MZT2B: variants seen among roughly 807,000 people sequenced by gnomAD.
The protein encoded by MZT2B is mitotic-spindle organizing protein 2B.
Under a neutral mutation model 12.1 loss-of-function variants are expected in MZT2B, and 11 were observed. The ratio of observed to expected loss-of-function variants is 0.91; its 90% confidence interval spans 0.57 to 1.50. MZT2B has a LOEUF of 1.50. Ranked by LOEUF, MZT2B falls within the 40% of genes most tolerant of loss-of-function variation. The pLI is 0.00. For synonymous variants in MZT2B, 85 were observed against 109.5 expected, an observed-to-expected ratio of 0.78 and a Z score of 1.40; for missense variants, 209 against 227.7, an observed-to-expected ratio of 0.92 and a Z score of 0.53.
intron 2 of MZT2B, chr2:130,183,080 C>T (rs536473879): frequency 1.7e-5 from 9 of 521,962 alleles, no homozygotes; most frequent in South Asian, 7.2e-5. Flanking sequence ...GGAATCAAGA[C>T]AGTTTGGGGC....
intron 2 of MZT2B, chr2:130,183,168 C>G (rs540092735): frequency 5.4e-5 from 18 of 335,538 alleles, no homozygotes; most frequent in African/African-American, 1.5e-4. Flanking sequence ...TTTTAGACCA[C>G]TCTGGGTGAC....
chr2:130,181,786 C>G (rs1032254021), upstream of MZT2B: 2 of 1,547,014 alleles, frequency 1.3e-6, no homozygotes, highest in South Asian at 1.2e-5. Flanking sequence ...TGGCGGCCTC[C>G]GGCGCCCCAA....
rs773776345 is a variant in MZT2B, at chr2:130,190,519, C to G, written c.370C>G (p.Arg124Gly). The change falls in exon 3 of 3, where the codon CGC (arginine) becomes GGC (glycine). Residue 124 changes from arginine to glycine, a missense_variant. Coordinates refer to ENST00000281871, the MANE Select transcript of MZT2B (RefSeq NM_025029.5). ...ALGGALALAERSSREGSSQRM... is the reference protein window; with the variant it reads ...ALGGALALAEGSSREGSSQRM... ...CGGGGGAGCATTGGCCCTGGCGGAA[C>G]GCAGCAGCCGCGAAGGATCCAGCCA... is the stretch of plus-strand genomic sequence containing the variant. 6.2e-7 allele frequency: 1 copy of G among 1,613,752 alleles called. No homozygotes were observed. Among genetic ancestry groups the G allele is most frequent in the Non-Finnish European group, 8.5e-7 (1 of 1,179,994 alleles).
At chr2:130,183,408 C>G in intron 2 of MZT2B, 1 of 375,728 alleles carries the variant, frequency 2.7e-6, no homozygotes, top group Non-Finnish European at 5.1e-6. Flanking sequence ...CAGAGGCCTG[C>G]GGGGTCTGAA....
chr2:130,192,183 G>A (rs1690280865), downstream of MZT2B: 1 of 1,549,044 alleles, frequency 6.5e-7, no homozygotes, highest in African/African-American at 1.4e-5. Context: ...CCTAGAAATG[G>A]TAGCTACTTC....
chr2:130,197,899 C>T, the MZT2B span, among the ~76,000 whole-genome samples: 2 of 125,262 alleles, frequency 1.6e-5, no homozygotes, highest in African/African-American at 5.6e-5. Flanking sequence ...TGAGCCGCCG[C>T]GCCTGGCCTA....
At chr2:130,185,284 C>A (rs1259531972) in intron 2 of MZT2B, among the ~76,000 whole-genome samples, 4 of 143,470 alleles carry the variant, frequency 2.8e-5, no homozygotes, top group Admixed American at 1.5e-4. Flanking sequence ...GCACTCCAGC[C>A]TGGGGGACAG....
the MZT2B span, among the ~76,000 whole-genome samples, chr2:130,203,142 A>C: frequency 6.7e-6 from 1 of 149,888 alleles, no homozygotes; most frequent in South Asian, 2.1e-4. Context: ...GTTTTCTAAA[A>C]TACATTCATT....
downstream of MZT2B, among the ~76,000 whole-genome samples, chr2:130,193,179 T>C (rs1450727616): frequency 1.3e-5 from 2 of 149,440 alleles, no homozygotes; most frequent in African/African-American, 4.9e-5. Flanking sequence ...CGCTAGAGTC[T>C]GGGAGGCAGA....
At chr2:130,186,680 A>G (rs553701690) in intron 2 of MZT2B, among the ~76,000 whole-genome samples, 4 of 152,346 alleles carry the variant, frequency 2.6e-5, no homozygotes, top group Non-Finnish European at 5.9e-5. Flanking sequence ...GTCCACAGCT[A>G]CTGGATCTCT....
chr2:130,183,461 T>A (rs34409208), intron 2 of MZT2B: 1 of 452,528 alleles, frequency 2.2e-6, no homozygotes, highest in African/African-American at 2.0e-5. Flanking sequence ...CTGAGGAGAT[T>A]CTGGGACTGA....
downstream of MZT2B, chr2:130,190,741 G>GTTTTTTTTTTTTT (rs71396588): frequency 9.1e-7 from 1 of 1,096,302 alleles, no homozygotes; most frequent in Non-Finnish European, 1.2e-6. Context: ...GTTGTCTACC[G>GTTTTTTTTTTTTT]TTTTTTTTTT....
chr2:130,194,344 C>A, downstream of MZT2B: 1 of 1,613,300 alleles, frequency 6.2e-7, no homozygotes, highest in Non-Finnish European at 8.5e-7. Flanking sequence ...CAAACTCTAG[C>A]TTGGACTTCT....
chr2:130,194,998 G>C, downstream of MZT2B: 2 of 1,582,126 alleles, frequency 1.3e-6, no homozygotes, highest in South Asian at 1.2e-5. Context: ...TCTAAGTGTT[G>C]ATAAAATGAC....
chr2:130,201,864 A>G, the MZT2B span, among the ~76,000 whole-genome samples: 2 of 152,238 alleles, frequency 1.3e-5, no homozygotes, highest in Admixed American at 6.5e-5. Flanking sequence ...CTGTACAGCA[A>G]GGATTTATGT....
intron 1 of MZT2B, 44 bp from the exon 2 acceptor site, chr2:130,182,583 G>A: frequency 3.2e-6 from 5 of 1,560,514 alleles, no homozygotes; most frequent in African/African-American, 1.4e-5. Flanking sequence ...AGGTGGCCGC[G>A]CCGGGCGGAG....
the MZT2B span, chr2:130,204,080 T>C: frequency 8.4e-7 from 1 of 1,197,376 alleles, no homozygotes; most frequent in East Asian, 5.8e-5. Context: ...GGCTGTCACT[T>C]GTAACTCTTT....
At chr2:130,182,043 A>C (rs1689700171), upstream of MZT2B, 3 of 1,349,980 alleles carry the variant, frequency 2.2e-6, no homozygotes, top group South Asian at 3.1e-5. Flanking sequence ...ATCGCCAAGC[A>C]GCGGACCCCT....
chr2:130,193,645 C>T, downstream of MZT2B: 1 of 765,316 alleles, frequency 1.3e-6, no homozygotes, highest in Non-Finnish European at 2.0e-6. Flanking sequence ...AATCAATTAT[C>T]AACTCTGGTT....
Sources: allele counts gnomAD v4.1 joint callset (sites outside exome capture counted in the v4.1 genomes callset), GRCh38; gene constraint gnomAD v4.1.1; transcripts MANE v1.5; gene names NCBI Gene and HGNC (gene_info 2026-07-23, HGNC 2026-07-21).